Variants in PDE3B observed in about 807,000 individuals in gnomAD.
The protein encoded by PDE3B is phosphodiesterase 3B.
In PDE3B, 66 loss-of-function variants were observed where a neutral mutation model predicts 116.8. The observed-to-expected ratio is 0.56, with a 90% CI of 0.46 to 0.69. The LOEUF is 0.69. PDE3B is among the 30% of genes least tolerant of loss of function. The probability of loss-of-function intolerance (pLI) is 0.00; values close to 1 mark genes in which losing one functional copy is unlikely to be tolerated. For synonymous variants in PDE3B, 595 were observed against 533.6 expected (o/e 1.12, Z -1.59); for missense variants, 1,384 against 1,368.1 (o/e 1.01, Z -0.18).
the PDE3B span, chr11:14,891,381 C>A: frequency 1.0e-6 from 1 of 985,692 alleles, no homozygotes. Flanking sequence ...GCTGTAGGAC[C>A]CCCGCAGCGG....
chr11:14,645,871 TAA>T (rs1853388376), intron 1 of PDE3B, among the ~76,000 whole-genome samples: 7 of 152,312 alleles, frequency 4.6e-5, no homozygotes, highest in African/African-American at 1.7e-4. Context: ...AGAAACTTAA[TAA>T]GTATAGTTAC....
intron 1 of PDE3B, among the ~76,000 whole-genome samples, chr11:14,725,420 C>CCCTT (rs374827753): frequency 1.4e-5 from 2 of 139,578 alleles, no homozygotes; most frequent in Non-Finnish European, 3.1e-5. Flanking sequence ...TTTTTCTTTT[C>CCCTT]CCTTCCTTCC....
At position 14,843,848 on chromosome 11, in the gene PDE3B, A is replaced by G. The variant is rs368157157; in HGVS notation, c.2342A>G (p.His781Arg). ...NETDSDGRIN[H>R]GRIAYISSKS... is the part of the protein sequence containing the mutation. The stretch of plus-strand genomic sequence containing the variant: ...TCAGATTCTGATGGTAGAATTAACC[A>G]TGGGCGAATTGCTTATATTTCTTCG... Residue 781 changes from histidine to arginine, a missense_variant, in exon 12 of 16, where the codon CAT becomes CGT. This residue lies in a region of PDE3B where 428 missense variants were observed against 561.4 expected (regional missense o/e 0.76). Transcript: ENST00000282096. 5 of 1,613,716 alleles carry G rather than the reference A, an allele frequency of 3.1e-6. No homozygotes were observed. Among genetic ancestry groups the G allele is most frequent in the East Asian group, 2.2e-5 (1 of 44,874 alleles).
At chr11:14,791,975 G>A (rs987575029) in intron 4 of PDE3B, among the ~76,000 whole-genome samples, 1 of 151,890 alleles carries the variant, frequency 6.6e-6, no homozygotes, top group African/African-American at 2.4e-5. Flanking sequence ...TTTTATTACT[G>A]TGTTTTTTTT....
chr11:14,889,851 G>A, the PDE3B span, among the ~76,000 whole-genome samples: 6 of 152,112 alleles, frequency 3.9e-5, no homozygotes, highest in East Asian at 5.8e-4. Flanking sequence ...AACATAGGCC[G>A]GGCGCAGTGG....
intron 11 of PDE3B, among the ~76,000 whole-genome samples, chr11:14,839,390 A>G (rs753500525): frequency 6.6e-6 from 1 of 152,238 alleles, no homozygotes; most frequent in Non-Finnish European, 1.5e-5. Context: ...ACTAGCAAAT[A>G]CTTAATAGAT....
intron 1 of PDE3B, among the ~76,000 whole-genome samples, chr11:14,690,957 A>G (rs936079077): frequency 3.3e-5 from 5 of 152,154 alleles, no homozygotes; most frequent in Non-Finnish European, 7.4e-5. Flanking sequence ...AGGTAGGTGG[A>G]CATCTAAATA....
At chr11:14,703,963 T>G (rs910304756) in intron 1 of PDE3B, among the ~76,000 whole-genome samples, 1 of 151,734 alleles carries the variant, frequency 6.6e-6, no homozygotes, top group Non-Finnish European at 1.5e-5. Flanking sequence ...CAAGTCTGTT[T>G]TGAGTTTTTT....
At chr11:14,868,502 T>C (rs1428096420) in intron 15 of PDE3B, among the ~76,000 whole-genome samples, 1 of 152,232 alleles carries the variant, frequency 6.6e-6, no homozygotes, top group Admixed American at 6.5e-5. Flanking sequence ...TGTGGCATTA[T>C]GAATTTGAGT....
intron 1 of PDE3B, among the ~76,000 whole-genome samples, chr11:14,705,435 CA>C (rs1855501332): frequency 6.6e-6 from 1 of 151,708 alleles, no homozygotes; most frequent in Non-Finnish European, 1.5e-5. Context: ...TTTTAGAAAT[CA>C]AAAACTAATT....
At chr11:14,824,978 A>G (rs930298084) in intron 7 of PDE3B, among the ~76,000 whole-genome samples, 1 of 151,366 alleles carries the variant, frequency 6.6e-6, no homozygotes, top group Non-Finnish European at 1.5e-5. Flanking sequence ...CCTATATTCA[A>G]CATTCTTAAA....
Position 14,771,948 on chromosome 11 carries a change from G to T in PDE3B, c.990G>T (p.Trp330Cys). The T allele has an allele frequency of 7.4e-7, 1 of 1,350,248 alleles. No homozygotes were observed. The highest frequency in any genetic ancestry group is 9.9e-7 in the Non-Finnish European group (1 of 1,005,454). 83.6% of individuals were successfully genotyped at this position (1,350,248 alleles called of 1,614,324 possible). A position where few individuals can be genotyped will look rare whatever the true frequency, so the allele number is the denominator to read the frequency against. Residue 330 changes from tryptophan to cysteine, a missense_variant, in exon 2 of 16, where the codon TGG (tryptophan) becomes TGT (cysteine). Around this residue, in one of 2 missense-constraint regions of PDE3B, gnomAD observed 956 missense variants for 806.8 expected, o/e 1.18. Transcript: ENST00000282096. Reference protein sequence around the residue: ...PCISREQMILWDWDLKQWYKP... With the variant: ...PCISREQMILCDWDLKQWYKP... ...ATTTTTTTTTCTAGATGATTCTTTGGGATTGGGACTTAAAACAATGGTATA... is the reference window on the plus strand; with the variant it reads ...ATTTTTTTTTCTAGATGATTCTTTGTGATTGGGACTTAAAACAATGGTATA...
At chr11:14,679,717 C>A (rs1381125073) in intron 1 of PDE3B, among the ~76,000 whole-genome samples, 3 of 151,770 alleles carry the variant, frequency 2.0e-5, no homozygotes, top group African/African-American at 7.3e-5. Context: ...GGCGAACTCA[C>A]ATGTGTTTCA....
intron 2 of PDE3B, among the ~76,000 whole-genome samples, 196 bp from the exon 3 acceptor site, chr11:14,786,241 C>G (rs1858190674): frequency 6.6e-6 from 1 of 151,746 alleles, no homozygotes; most frequent in Non-Finnish European, 1.5e-5. Flanking sequence ...TTATACTAGT[C>G]ATAAGGTAAT....
chr11:14,725,161 A>C (rs1286639722), intron 1 of PDE3B, among the ~76,000 whole-genome samples: 2 of 152,104 alleles, frequency 1.3e-5, no homozygotes, highest in Middle Eastern at 3.2e-3. Flanking sequence ...ATCCAAATCC[A>C]AGTGATTAAT....
intron 1 of PDE3B, among the ~76,000 whole-genome samples, chr11:14,670,096 G>A (rs965132265): frequency 2.6e-5 from 4 of 152,052 alleles, no homozygotes; most frequent in African/African-American, 9.7e-5. Context: ...TACACATAGC[G>A]GCTTAGTGCA....
chr11:14,693,484 G>A (rs921075541), intron 1 of PDE3B, among the ~76,000 whole-genome samples: 1 of 152,182 alleles, frequency 6.6e-6, no homozygotes, highest in African/African-American at 2.4e-5. Flanking sequence ...ATAACTTTAA[G>A]TTGATGCCAG....
At chr11:14,896,178 C>G in the PDE3B span, among the ~76,000 whole-genome samples, 3 of 152,122 alleles carry the variant, frequency 2.0e-5, no homozygotes, top group Non-Finnish European at 4.4e-5. Context: ...TATTCCTTTC[C>G]TTGTGTTTCA....
At chr11:14,729,915 A>C (rs1856409351) in intron 1 of PDE3B, among the ~76,000 whole-genome samples, 1 of 150,156 alleles carries the variant, frequency 6.7e-6, no homozygotes, top group Non-Finnish European at 1.5e-5. Flanking sequence ...TTTAAGAACT[A>C]AAAAAAAAAT....
Sources: gnomAD v4.1 joint callset for allele counts (sites outside exome capture counted in the v4.1 genomes callset) on GRCh38, gnomAD v4.1.1 for gene constraint, gnomAD v4.1.1 regional missense constraint, MANE v1.5 for transcripts, NCBI Gene and HGNC (gene_info 2026-07-23, HGNC 2026-07-21) for gene names.